GRAMD2A: variants seen among roughly 807,000 people sequenced by gnomAD.
GRAMD2A encodes the protein GRAM domain containing 2A, also known as GRAM domain-containing protein 2A.
GRAMD2A carries 37 observed loss-of-function variants against 51.1 expected under a neutral mutation model. The observed-to-expected ratio is 0.72, with a 90% CI of 0.56 to 0.95. The LOEUF (loss-of-function observed/expected upper bound fraction) is 0.95. Among genes scored for constraint, GRAMD2A ranks in the 40% least tolerant of loss-of-function variants. The probability of loss-of-function intolerance (pLI) is 0.00; values close to 1 mark genes in which losing one functional copy is unlikely to be tolerated. For synonymous variants in GRAMD2A, 136 were observed against 157.1 expected (o/e 0.87, Z 1.01); for missense variants, 414 against 426.9 (o/e 0.97, Z 0.27).
chr15:72,186,584 A>C (rs1370212370), intron 1 of GRAMD2A, among the ~76,000 whole-genome samples: 1 of 152,164 alleles, frequency 6.6e-6, no homozygotes. Context: ...TGGCCTCCCA[A>C]AGTGCTGGGA....
In GRAMD2A at chr15:72,163,641, G is replaced by T. The variant is rs780464988; in HGVS notation, c.717C>A (p.Phe239Leu). The change falls in exon 9 of 12, where the codon TTC (phenylalanine) becomes TTA (leucine). Residue 239 changes from phenylalanine (F) to leucine (L), a missense_variant. Phe to Leu is a conservative substitution (Grantham distance 22). Transcript: ENST00000309731. ...ACATTGGAGGCTTCCTGGAGGGGAAGAAACTGTCTGTGGAGTCCACGGATG... is the reference window on the plus strand; with the variant it reads ...ACATTGGAGGCTTCCTGGAGGGGAATAAACTGTCTGTGGAGTCCACGGATG... ...PPSSVDSTDS[F>L]FPSRKPPMSE... The T allele has an allele frequency of 6.2e-7, 1 of 1,601,236 alleles. No homozygotes were observed. Among genetic ancestry groups the T allele is most frequent in the Non-Finnish European group, 8.5e-7 (1 of 1,176,218 alleles).
intron 1 of GRAMD2A, among the ~76,000 whole-genome samples, chr15:72,189,350 C>A (rs1005851984): frequency 1.2e-4 from 19 of 152,132 alleles, no homozygotes; most frequent in African/African-American, 4.3e-4. Context: ...CACACACATG[C>A]AGAGACACAA....
rs2081597061 is a variant in GRAMD2A at position 72,170,290 on chromosome 15, G to A, written c.42-351C>T. 2 of 493,008 alleles carry A rather than the reference G, an allele frequency of 4.1e-6. No homozygotes were observed. Among genetic ancestry groups the A allele is most frequent in the African/African-American group, 3.9e-5 (2 of 51,616 alleles). The allele number at this position is 493,008 out of a possible 1,614,324, so 30.5% of individuals were successfully genotyped here. A position where few individuals can be genotyped will look rare whatever the true frequency, so the allele number is the denominator to read the frequency against. ...ACCCTTGAGGAGGCACACTGAGAGG[G>A]AGGACCCTGAGACTCGCTTATGCCG... On this transcript the variant is annotated intron_variant, in intron 1 of 11. Transcript: ENST00000309731. This position sits in a 1 kb window ranked among gnomAD's most constrained non-coding sequence, Gnocchi z 4.5.
chr15:72,166,806 G>A lies in GRAMD2A; in HGVS notation c.472-103C>T. ...TGGGCACAGGCCCACAGGGGTATCA[G>A]GCCATGAGAGCCAACAGAAGCTCTG... On this transcript the variant is annotated intron_variant, in intron 6 of 11. Coordinates refer to ENST00000309731, the MANE Select transcript of GRAMD2A (RefSeq NM_001012642.3). The surrounding 1 kb of genome is among the most constrained non-coding windows in gnomAD (Gnocchi z 4.1). The A allele has an allele frequency of 9.3e-7, 1 of 1,070,828 alleles. No homozygotes were observed. Among genetic ancestry groups the A allele is most frequent in the Non-Finnish European group, 1.4e-6 (1 of 700,076 alleles). 66.3% of individuals were successfully genotyped at this position (1,070,828 alleles called of 1,614,324 possible). A position where few individuals can be genotyped will look rare whatever the true frequency, so the allele number is the denominator to read the frequency against.
At chr15:72,173,121 G>A (rs2081626207) in intron 1 of GRAMD2A, among the ~76,000 whole-genome samples, 1 of 152,186 alleles carries the variant, frequency 6.6e-6, no homozygotes, top group Admixed American at 6.5e-5. Context: ...CCTGTTGCTT[G>A]AGAATGTGAG....
chr15:72,163,788 A>G (rs1226585793), intron 8 of GRAMD2A, 31 bp from the exon 9 acceptor site: 1 of 1,599,742 alleles, frequency 6.3e-7, no homozygotes, highest in East Asian at 2.2e-5. Flanking sequence ...CTATCTTACC[A>G]TGGCCCTTGC....
intron 1 of GRAMD2A, among the ~76,000 whole-genome samples, chr15:72,180,685 G>A (rs1402990743): frequency 6.6e-6 from 1 of 152,256 alleles, no homozygotes; most frequent in Non-Finnish European, 1.5e-5. Context: ...GGGTCTTGGG[G>A]TCCTGAAAGA....
At chr15:72,190,419 T>A (rs1241297404) in intron 1 of GRAMD2A, among the ~76,000 whole-genome samples, 1 of 152,098 alleles carries the variant, frequency 6.6e-6, no homozygotes, top group Non-Finnish European at 1.5e-5. Context: ...TGGACCACCT[T>A]CTAGCTAATA....
intron 1 of GRAMD2A, among the ~76,000 whole-genome samples, chr15:72,196,359 T>C (rs1468716283): frequency 6.6e-6 from 1 of 151,252 alleles, no homozygotes; most frequent in East Asian, 2.0e-4. Context: ...CTACTAAAAA[T>C]ACAAAAATTA....
chr15:72,187,465 A>G (rs2081741495), intron 1 of GRAMD2A, among the ~76,000 whole-genome samples: 1 of 151,972 alleles, frequency 6.6e-6, no homozygotes, highest in South Asian at 2.1e-4. Context: ...TCAAAAAAGA[A>G]AAAACAAAAA....
At chr15:72,187,064 G>A (rs2081739308) in intron 1 of GRAMD2A, among the ~76,000 whole-genome samples, 1 of 151,890 alleles carries the variant, frequency 6.6e-6, no homozygotes, top group Non-Finnish European at 1.5e-5. Context: ...GGGAGACTGA[G>A]GCAGGAAAAT....
At chr15:72,193,274 T>C (rs2081781217) in intron 1 of GRAMD2A, among the ~76,000 whole-genome samples, 1 of 149,348 alleles carries the variant, frequency 6.7e-6, no homozygotes, top group African/African-American at 2.5e-5. Flanking sequence ...GGAGTGCAAA[T>C]GGTGTGATCT....
chr15:72,166,838 A>C lies in GRAMD2A; in HGVS notation c.472-135T>G. On this transcript the variant is annotated intron_variant, in intron 6 of 11. Transcript: ENST00000309731. This position sits in a 1 kb window ranked among gnomAD's most constrained non-coding sequence, Gnocchi z 4.1. ...AGAGCCAACAGAAGCTCTGCCTAGG[A>C]ACTTCTCTTCCAGCTTGTTGTACGG... 1 of 945,584 alleles carries C rather than the reference A, an allele frequency of 1.1e-6. No homozygotes were observed. The highest frequency in any genetic ancestry group is 1.7e-6 in the Non-Finnish European group (1 of 593,374). 58.6% of individuals were successfully genotyped at this position (945,584 alleles called of 1,614,324 possible).
At chr15:72,179,540 C>G (rs1596692844) in intron 1 of GRAMD2A, among the ~76,000 whole-genome samples, 1 of 152,192 alleles carries the variant, frequency 6.6e-6, no homozygotes, top group Non-Finnish European at 1.5e-5. Context: ...GGCCAGGCCT[C>G]CAGTCTAGGA....
Position 72,166,932 on chromosome 15 carries a change from CTG to C in GRAMD2A, c.471+60_471+61del, listed in dbSNP as rs1273297468. 2 of 1,324,760 alleles carry C rather than the reference CTG, an allele frequency of 1.5e-6. No homozygotes were observed. The highest frequency in any genetic ancestry group is 2.3e-5 in the East Asian group (1 of 43,520). The allele number at this position is 1,324,760 out of a possible 1,614,324, so 82.1% of individuals were successfully genotyped here. A position where few individuals can be genotyped will look rare whatever the true frequency, so the allele number is the denominator to read the frequency against. Reference sequence around the variant, plus strand: ...GACCTGGGAATGTGCCCGAGTCAGACTGTGGGCTGTCAGGGCTGGGAGCGGGA... The same window carrying C: ...GACCTGGGAATGTGCCCGAGTCAGACTGGGCTGTCAGGGCTGGGAGCGGGA... On this transcript the variant is annotated intron_variant, in intron 6 of 11. Transcript: ENST00000309731. The surrounding 1 kb of genome is among the most constrained non-coding windows in gnomAD (Gnocchi z 4.1).
intron 1 of GRAMD2A, among the ~76,000 whole-genome samples, chr15:72,177,147 C>T (rs1243115263): frequency 6.6e-6 from 1 of 151,154 alleles, no homozygotes; most frequent in Non-Finnish European, 1.5e-5. Context: ...CAGGCATGAG[C>T]CACTGTGCTC....
intron 11 of GRAMD2A, 86 bp downstream of exon 11, chr15:72,162,187 G>A: frequency 7.4e-7 from 1 of 1,355,544 alleles, no homozygotes; most frequent in African/African-American, 1.4e-5. Flanking sequence ...ACAGGACCAA[G>A]TCCAGCCAGG....
At position 72,163,338 on chromosome 15, in the gene GRAMD2A, A is replaced by G. The variant is rs142712382; in HGVS notation, c.884T>C (p.Leu295Pro). 2.4e-4 allele frequency: 382 copies of G among 1,614,094 alleles called. 2 individuals are homozygous for G. In the African/African-American group the frequency reaches 4.2e-3, roughly 18 times the overall value. ...AKNAVYEEDELEEEPRSTGEL... is the reference protein window; with the variant it reads ...AKNAVYEEDEPEEEPRSTGEL... ...CCCAGTGCTCCTGGGCTCCTCCTCC[A>G]GCTCATCCTCCTCATAGACAGCATT... The change falls in exon 10 of 12, where the codon CTG (leucine) becomes CCG (proline). Residue 295 changes from leucine (L) to proline (P), a missense_variant. Transcript: ENST00000309731.
intron 1 of GRAMD2A, among the ~76,000 whole-genome samples, chr15:72,178,578 T>C (rs1596692069): frequency 1.4e-5 from 2 of 140,046 alleles, no homozygotes; most frequent in East Asian, 4.2e-4. Context: ...CTTTTTTTTT[T>C]TTTTTTTTTT....
Sources: gnomAD v4.1 joint callset for allele counts (sites outside exome capture counted in the v4.1 genomes callset) on GRCh38, gnomAD v4.1.1 for gene constraint, Gnocchi (gnomAD v3.1) non-coding constraint, MANE v1.5 for transcripts, NCBI Gene and HGNC (gene_info 2026-07-23, HGNC 2026-07-21) for gene names.